The following ITPRID2 variants were observed in gnomAD, a reference collection of about 807,000 sequenced individuals.
ITPRID2 encodes ITPR interacting domain containing 2.
ITPRID2 carries 60 observed loss-of-function variants against 124.3 expected under a neutral mutation model. The observed-to-expected ratio is 0.48, with a 90% confidence interval of 0.39 to 0.60. The LOEUF is 0.60. Among genes scored for constraint, ITPRID2 ranks in the 20% least tolerant of loss-of-function variants. The probability of loss-of-function intolerance (pLI) is 0.00; values close to 1 mark genes in which losing one functional copy is unlikely to be tolerated. For missense variants in ITPRID2, 1,553 were observed against 1,512.2 expected (o/e 1.03, Z -0.45); for synonymous variants, 521 against 542.9 (o/e 0.96, Z 0.56).
intron 8 of ITPRID2, among the ~76,000 whole-genome samples, chr2:181,903,846 T>C (rs1423450715): frequency 1.3e-5 from 2 of 152,188 alleles, no homozygotes; most frequent in Non-Finnish European, 2.9e-5. Context: ...TTTGTTTTGG[T>C]CTAAACTTGT....
chr2:181,918,239 A>T (rs1040185076), intron 11 of ITPRID2: 2 of 954,228 alleles, frequency 2.1e-6, no homozygotes, highest in Non-Finnish European at 2.5e-6. Context: ...CTTGCTCTCC[A>T]GCAAAGTTAA....
chr2:181,899,089 GA>G lies in ITPRID2; in HGVS notation c.484del (p.Ser162ValfsTer53). 2 of 1,609,786 alleles carry G rather than the reference GA, an allele frequency of 1.2e-6. No homozygotes were observed. Among genetic ancestry groups the G allele is most frequent in the Admixed American group, 1.7e-5 (1 of 59,274 alleles). ...GRSMNSTGSG[K>X]SSGTVSSVSE... ...GAAGTATGAATTCCACTGGATCTGG[GA>G]AAAGTAGTGGGACAGTTTCAAGGTA... On this transcript the variant is annotated frameshift_variant, in exon 6 of 18. Transcript: ENST00000431877. LOFTEE classifies it high-confidence loss of function.
At chr2:181,893,684 A>C (rs1344349954) in intron 2 of ITPRID2, 1 of 152,222 alleles carries the variant, frequency 6.6e-6, no homozygotes, top group Non-Finnish European at 1.5e-5. Flanking sequence ...ACTTCTGTTT[A>C]AAGATGCACA....
intron 15 of ITPRID2, among the ~76,000 whole-genome samples, chr2:181,921,571 C>A (rs1426724635): frequency 6.6e-6 from 1 of 152,146 alleles, no homozygotes; most frequent in Admixed American, 6.5e-5. Flanking sequence ...AGAGCTGTAA[C>A]ATGACCACGT....
rs1023651435 is a variant in ITPRID2, at chr2:181,909,829, A to G, written c.1414-70A>G. On this transcript the variant is annotated intron_variant, in intron 8 of 17. Transcript: ENST00000431877. Reference sequence around the variant, plus strand: ...AGTTAGGTTGATTTGTTTAATAGATATTTATTCAAGAAGTTATACTTGTTT... The same window carrying G: ...AGTTAGGTTGATTTGTTTAATAGATGTTTATTCAAGAAGTTATACTTGTTT... The G allele has an allele frequency of 8.2e-5, 95 of 1,157,014 alleles. 1 individual carries two copies. The South Asian group carries it at 1.2e-3, about 15-fold the overall frequency. 71.7% of individuals were successfully genotyped at this position (1,157,014 alleles called of 1,614,324 possible).
chr2:181,899,206 G>A, intron 6 of ITPRID2, 94 bp downstream of exon 6: 1 of 875,608 alleles, frequency 1.1e-6, no homozygotes, highest in East Asian at 2.6e-5. Flanking sequence ...TTGATCATAT[G>A]AAATCAGAAA....
At chr2:181,927,986 G>A (rs1291135423) in intron 16 of ITPRID2, among the ~76,000 whole-genome samples, 175 bp from the exon 17 acceptor site, 1 of 152,162 alleles carries the variant, frequency 6.6e-6, no homozygotes, top group Non-Finnish European at 1.5e-5. Flanking sequence ...TTGGGAGTCT[G>A]ATCTGGGTTG....
intron 4 of ITPRID2, among the ~76,000 whole-genome samples, chr2:181,897,756 G>A (rs1574204495): frequency 6.6e-6 from 1 of 151,858 alleles, no homozygotes; most frequent in East Asian, 1.9e-4. Context: ...GGTGAATAGT[G>A]AATTTATACA....
In ITPRID2 at chr2:181,900,207, C is replaced by A. The variant is rs138189976; in HGVS notation, c.504-489C>A. On this transcript the variant is annotated intron_variant, in intron 6 of 17. Transcript: ENST00000431877. ...AAGTTGAAAGTAAGCTCCTCCCTCGCTTCTCTGAAATCAGCTTGTTATCTT... is the reference window on the plus strand; with the variant it reads ...AAGTTGAAAGTAAGCTCCTCCCTCGATTCTCTGAAATCAGCTTGTTATCTT... 3.9e-3 allele frequency among the ~76,000 whole-genome samples: 593 copies of A among 152,314 alleles called. 4 individuals are homozygous for A. The highest frequency in any genetic ancestry group is 0.013 in the African/African-American group (547 of 41,574).
chr2:181,895,196 A>G (rs570268112), intron 2 of ITPRID2, among the ~76,000 whole-genome samples: 5 of 152,182 alleles, frequency 3.3e-5, no homozygotes, highest in South Asian at 2.1e-4. Flanking sequence ...TTTAACAGCT[A>G]TAAATTGTTA....
intron 9 of ITPRID2, among the ~76,000 whole-genome samples, chr2:181,913,633 G>A (rs1032480313): frequency 1.3e-5 from 2 of 152,074 alleles, no homozygotes; most frequent in Admixed American, 1.3e-4. Flanking sequence ...ATCTGATACA[G>A]TTTTTGTTTG....
rs772428702 is a variant in ITPRID2 at position 181,918,625 on chromosome 2, G to T, written c.2815G>T (p.Ala939Ser). 2.3e-5 allele frequency: 37 copies of T among 1,613,886 alleles called. 1 individual carries two copies. Among genetic ancestry groups the T allele is most frequent in the South Asian group, 2.0e-4 (18 of 91,088 alleles). The change falls in exon 12 of 18, where the codon GCT becomes TCT. Residue 939 changes from alanine (A) to serine (S), a missense_variant. By Grantham distance (99) the Ala-to-Ser change is moderately conservative (BLOSUM62 1). Transcript: ENST00000431877. ...QYPMMRGPDP[A>S]AAPYSTQKSS... ...CCCTATGATGAGAGGACCTGATCCT[G>T]CTGCTGCTCCATATAGTACTCAGAA...
Position 181,898,842 on chromosome 2 carries a change from T to TA in ITPRID2, c.365-36dup, listed in dbSNP as rs374558580. ...TGTATCATAGTAGTTATAGTCCTAC[T>TA]AACAATTGTGCTCTACGTTTATTGT... is the stretch of plus-strand genomic sequence containing the variant. On this transcript the variant is annotated intron_variant, in intron 4 of 17. Transcript: ENST00000431877. 1.8e-4 allele frequency: 274 copies of TA among 1,483,396 alleles called. No individual in the cohort carries two copies. In the African/African-American group the frequency reaches 3.4e-3, roughly 18 times the overall value. 91.9% of individuals were successfully genotyped at this position (1,483,396 alleles called of 1,614,324 possible).
Position 181,893,598 on chromosome 2 carries a change from CTCTT to C in ITPRID2, c.257+940_257+943del, listed in dbSNP as rs1691941365. The stretch of plus-strand genomic sequence containing the variant: ...GAATCGACTGGAACCTTATTGAACA[CTCTT>C]TATTACAGAACTCGTACCCTTTATT... On this transcript the variant is annotated intron_variant, in intron 2 of 17. Transcript: ENST00000431877. The C allele has an allele frequency of 5.3e-5, 8 of 152,320 alleles. No individual in the cohort carries two copies. The South Asian group carries it at 1.7e-3, about 32-fold the overall frequency. The allele number at this position is 152,320 out of a possible 1,614,324, so 9.4% of individuals were successfully genotyped here.
At chr2:181,909,732 T>C (rs1202275557) in intron 8 of ITPRID2, among the ~76,000 whole-genome samples, 167 bp from the exon 9 acceptor site, 1 of 152,232 alleles carries the variant, frequency 6.6e-6, no homozygotes, top group Non-Finnish European at 1.5e-5. Flanking sequence ...AATTTAGTTG[T>C]GGAGCATTCT....
At chr2:181,909,808 A>C (rs1323061062) in intron 8 of ITPRID2, 91 bp from the exon 9 acceptor site, 1 of 879,422 alleles carries the variant, frequency 1.1e-6, no homozygotes, top group Non-Finnish European at 1.8e-6. Flanking sequence ...CACTTGAGTT[A>C]GGTTGATTTG....
At chr2:181,913,289 G>C (rs1381455481) in intron 9 of ITPRID2, among the ~76,000 whole-genome samples, 1 of 152,006 alleles carries the variant, frequency 6.6e-6, no homozygotes, top group Non-Finnish European at 1.5e-5. Flanking sequence ...GGATGGTCTC[G>C]ATCTCCTAAC....
intron 16 of ITPRID2, among the ~76,000 whole-genome samples, chr2:181,923,942 C>T (rs531421027): frequency 1.6e-4 from 24 of 152,188 alleles, no homozygotes; most frequent in African/African-American, 5.1e-4. Context: ...CATTAGGCTG[C>T]CTTGGTCCTA....
Position 181,909,946 on chromosome 2 carries a change from G to A in ITPRID2, c.1461G>A (p.Gln487=). The A allele has an allele frequency of 6.2e-7, 1 of 1,613,244 alleles. No individual in the cohort carries two copies. Among genetic ancestry groups the A allele is most frequent in the African/African-American group, 1.3e-5 (1 of 75,012 alleles). The part of the protein sequence containing the change: ...GEAPHVPATY[Q]LGLTKSKRDH... ...CTCCTCATGTTCCAGCCACTTACCA[G>A]CTAGGTCTTACGAAGTCGAAAAGAG... Residue 487 remains glutamine (Q), a synonymous_variant, in exon 9 of 18, where the codon CAG becomes CAA. Transcript: ENST00000431877.
Sources: allele counts gnomAD v4.1 joint callset (sites outside exome capture counted in the v4.1 genomes callset), GRCh38; gene constraint gnomAD v4.1.1; transcripts MANE v1.5; gene names NCBI Gene and HGNC (gene_info 2026-07-23, HGNC 2026-07-21).